The following AMZ1 variants were observed in gnomAD, a reference collection of about 807,000 sequenced individuals.
AMZ1 encodes the protein archaelysin family metallopeptidase 1.
In AMZ1, 39 loss-of-function variants were observed where a neutral mutation model predicts 29.9. The observed-to-expected ratio is 1.30, with a 90% CI of 1.01 to 1.70. The LOEUF is 1.70. Ranked by LOEUF, AMZ1 falls within the 40% of genes most tolerant of loss-of-function variation. AMZ1 has a pLI of 0.00. For synonymous variants in AMZ1, 458 were observed against 304.0 expected (o/e 1.51, Z -5.27); for missense variants, 1,041 against 680.6 (o/e 1.53, Z -5.89).
intron 4 of AMZ1, among the ~76,000 whole-genome samples, chr7:2,748,833 A>G (rs1790890284): frequency 6.6e-6 from 1 of 152,230 alleles, no homozygotes; most frequent in African/African-American, 2.4e-5. Context: ...AAACAACCCC[A>G]TCAAAAAGTG....
chr7:2,748,731 G>C (rs1301502265), intron 4 of AMZ1, among the ~76,000 whole-genome samples: 6 of 152,112 alleles, frequency 3.9e-5, no homozygotes, highest in Admixed American at 6.6e-5. Context: ...GCAACCTACA[G>C]AATGGGAGAA....
At chr7:2,687,466 G>A (rs953293448), upstream of AMZ1, among the ~76,000 whole-genome samples, 1 of 152,238 alleles carries the variant, frequency 6.6e-6, no homozygotes, top group African/African-American at 2.4e-5. Flanking sequence ...AGGGAAGCTG[G>A]TGCTGGGAGG....
chr7:2,761,587 C>A (rs1286814490), upstream of AMZ1, among the ~76,000 whole-genome samples: 1 of 152,208 alleles, frequency 6.6e-6, no homozygotes, highest in Non-Finnish European at 1.5e-5. Flanking sequence ...TCCTAGGATA[C>A]AAACAGTTCT....
intron 4 of AMZ1, among the ~76,000 whole-genome samples, chr7:2,735,036 C>T (rs534567529): frequency 3.4e-4 from 52 of 151,918 alleles, no homozygotes; most frequent in African/African-American, 1.0e-3. Context: ...TGTGCCAAGT[C>T]CCCCCGGTCC....
chr7:2,694,158 G>A (rs1317517884), intron 1 of AMZ1, among the ~76,000 whole-genome samples: 1 of 152,216 alleles, frequency 6.6e-6, no homozygotes, highest in African/African-American at 2.4e-5. Context: ...GTGGGTTCAG[G>A]AAGGTGGACT....
chr7:2,711,397 C>A (rs547386747), intron 6 of AMZ1, among the ~76,000 whole-genome samples: 1 of 152,208 alleles, frequency 6.6e-6, no homozygotes, highest in East Asian at 1.9e-4. Context: ...GTGGTGTAAA[C>A]AGTCTCACGA....
chr7:2,701,614 G>T (rs1788058895), intron 2 of AMZ1, among the ~76,000 whole-genome samples: 1 of 152,220 alleles, frequency 6.6e-6, no homozygotes, highest in South Asian at 2.1e-4. Context: ...CCTCTCACAT[G>T]CCAAGAGCAG....
intron 3 of AMZ1, among the ~76,000 whole-genome samples, chr7:2,706,423 G>A (rs903998670): frequency 2.6e-5 from 4 of 152,218 alleles, no homozygotes; most frequent in South Asian, 2.1e-4. Context: ...TGGGACTGCC[G>A]TAACAAAGTA....
At chr7:2,689,194 G>T (rs778248318) in intron 1 of AMZ1, among the ~76,000 whole-genome samples, 2 of 152,222 alleles carry the variant, frequency 1.3e-5, no homozygotes, top group South Asian at 4.1e-4. Flanking sequence ...TTTGCAAAGC[G>T]CATTCAGAAT....
intron 4 of AMZ1, among the ~76,000 whole-genome samples, chr7:2,724,764 G>A (rs993462591): frequency 1.3e-5 from 2 of 152,240 alleles, no homozygotes; most frequent in East Asian, 1.9e-4. Context: ...CAGCCACTGA[G>A]CCGCATTTCC....
intron 6 of AMZ1, among the ~76,000 whole-genome samples, chr7:2,711,567 T>C (rs1178310437): frequency 6.6e-6 from 1 of 152,116 alleles, no homozygotes; most frequent in African/African-American, 2.4e-5. Context: ...ATTTAGGAAG[T>C]GAGTTTCAAG....
At chr7:2,732,275 G>C (rs1789935323) in intron 4 of AMZ1, among the ~76,000 whole-genome samples, 1 of 152,184 alleles carries the variant, frequency 6.6e-6, no homozygotes, top group South Asian at 2.1e-4. Context: ...CTCCAGGCCA[G>C]GCACGGTGGC....
rs555003436 is a variant in AMZ1, at chr7:2,712,831, G to C, written c.1450G>C (p.Ala484Pro). 2 of 1,534,758 alleles carry C rather than the reference G, an allele frequency of 1.3e-6. No individual in the cohort carries two copies. The highest frequency in any genetic ancestry group is 1.8e-6 in the Non-Finnish European group (2 of 1,139,614). Residue 484 changes from alanine (A) to proline (P), a missense_variant, in exon 7 of 7, where the codon GCC (alanine) becomes CCC (proline). Transcript: ENST00000683327. ...LRRKLSARKL[A>P]RAESAPRPWD... ...GAGGAAGCTGAGTGCCCGAAAACTCGCCAGAGCAGAGTCGGCCCCCCGTCC... is the reference window on the plus strand; with the variant it reads ...GAGGAAGCTGAGTGCCCGAAAACTCCCCAGAGCAGAGTCGGCCCCCCGTCC...
chr7:2,761,001 A>ATGGG (rs1290191185), upstream of AMZ1, among the ~76,000 whole-genome samples: 1 of 152,150 alleles, frequency 6.6e-6, no homozygotes, highest in Non-Finnish European at 1.5e-5. Flanking sequence ...CTCACAGTTC[A>ATGGG]TGGGTAGTTT....
chr7:2,686,584 A>T (rs937769957), upstream of AMZ1, among the ~76,000 whole-genome samples: 3 of 152,136 alleles, frequency 2.0e-5, no homozygotes, highest in African/African-American at 7.2e-5. Flanking sequence ...AGGCGATCAG[A>T]AGGATGTCTG....
chr7:2,751,870 C>G (rs1562405745), intron 4 of AMZ1, among the ~76,000 whole-genome samples: 1 of 152,046 alleles, frequency 6.6e-6, no homozygotes, highest in Non-Finnish European at 1.5e-5. Flanking sequence ...AAAACAACAA[C>G]AAAACTTCCC....
chr7:2,710,120 C>T (rs1054359973), intron 6 of AMZ1, among the ~76,000 whole-genome samples: 4 of 152,218 alleles, frequency 2.6e-5, no homozygotes, highest in Non-Finnish European at 5.9e-5. Flanking sequence ...GCCCAGCCGG[C>T]GGGTGGCACG....
chr7:2,721,759 G>A (rs1434875062), downstream of AMZ1, among the ~76,000 whole-genome samples: 1 of 151,526 alleles, frequency 6.6e-6, no homozygotes, highest in Non-Finnish European at 1.5e-5. Flanking sequence ...CCACACTCAG[G>A]GGCCCCCCAC....
upstream of AMZ1, among the ~76,000 whole-genome samples, chr7:2,686,882 T>G (rs1787098914): frequency 6.6e-6 from 1 of 151,614 alleles, no homozygotes; most frequent in African/African-American, 2.4e-5. Flanking sequence ...GCCCAGCTAA[T>G]TTTTTTATTT....
Sources: allele counts gnomAD v4.1 joint callset (sites outside exome capture counted in the v4.1 genomes callset), GRCh38; gene constraint gnomAD v4.1.1; transcripts MANE v1.5; gene names NCBI Gene and HGNC (gene_info 2026-07-23, HGNC 2026-07-21).